The following DIAPH3 variants were observed in gnomAD, a reference collection of about 807,000 sequenced individuals.
The protein encoded by DIAPH3 is diaphanous related formin 3.
DIAPH3 carries 117 observed loss-of-function variants against 144.3 expected under a neutral mutation model. The observed-to-expected ratio is 0.81, with a 90% confidence interval of 0.70 to 0.95. The LOEUF (loss-of-function observed/expected upper bound fraction) is 0.95, where lower values mean the gene tolerates loss of function less well. Ranked by LOEUF, DIAPH3 falls within the 40% of genes least tolerant of loss-of-function variation. The probability of loss-of-function intolerance (pLI) is 0.00; values close to 1 mark genes in which losing one functional copy is unlikely to be tolerated. For synonymous variants in DIAPH3, 519 were observed against 488.9 expected, an observed-to-expected ratio of 1.06 and a Z score of -0.81; for missense variants, 1,421 against 1,412.7, an observed-to-expected ratio of 1.01 and a Z score of -0.09.
At chr13:59,748,879 A>G (rs1298291820) in intron 27 of DIAPH3, among the ~76,000 whole-genome samples, 2 of 152,142 alleles carry the variant, frequency 1.3e-5, no homozygotes, top group Non-Finnish European at 2.9e-5. Context: ...TATTTCTGAC[A>G]TTTTAGAGCT....
chr13:60,150,756 G>A (rs1369340810), intron 1 of DIAPH3, among the ~76,000 whole-genome samples: 2 of 152,176 alleles, frequency 1.3e-5, no homozygotes, highest in Non-Finnish European at 2.9e-5. Context: ...GGTTGCTCCA[G>A]GCTTGGAGAT....
At chr13:59,852,235 G>C (rs1442515395) in intron 22 of DIAPH3, among the ~76,000 whole-genome samples, 1 of 152,156 alleles carries the variant, frequency 6.6e-6, no homozygotes. Context: ...CTTCTGAGGG[G>C]AGAAAGGACG....
chr13:60,122,964 G>C (rs1346197340), intron 2 of DIAPH3, among the ~76,000 whole-genome samples: 1 of 151,808 alleles, frequency 6.6e-6, no homozygotes, highest in East Asian at 1.9e-4. Context: ...ATATAAATTA[G>C]CCCTGTATAT....
intron 5 of DIAPH3, among the ~76,000 whole-genome samples, chr13:60,032,010 T>C (rs1566685036): frequency 6.6e-6 from 1 of 151,992 alleles, no homozygotes; most frequent in Non-Finnish European, 1.5e-5. Context: ...CAGGCGTGAG[T>C]CACCGCACCT....
At chr13:59,805,293 C>T (rs341531) in intron 25 of DIAPH3, among the ~76,000 whole-genome samples, 112,550 of 151,796 alleles carry the variant, frequency 0.74, 42,050 homozygotes, top group East Asian at 0.88. Flanking sequence ...AGTCTTAAAG[C>T]ATAATATTGA....
At chr13:59,858,975 A>G (rs185409080) in intron 22 of DIAPH3, among the ~76,000 whole-genome samples, 384 of 152,270 alleles carry the variant, frequency 2.5e-3, no homozygotes, top group Non-Finnish European at 3.5e-3. Flanking sequence ...AAACAAAGGT[A>G]CTTTTTAATT....
intron 1 of DIAPH3, among the ~76,000 whole-genome samples, chr13:60,156,918 C>CATATATATATATATATATATAT (rs1233542016): frequency 7.2e-5 from 4 of 55,680 alleles, no homozygotes; most frequent in East Asian, 3.0e-4. Context: ...CCAGATCCTT[C>CATATATATATATATATATATAT]ATATATATAT....
At chr13:59,964,845 A>T (rs1370209753) in intron 17 of DIAPH3, among the ~76,000 whole-genome samples, 1 of 152,218 alleles carries the variant, frequency 6.6e-6, no homozygotes, top group South Asian at 2.1e-4. Context: ...TTCTCTACTG[A>T]CTTTCTCCCC....
chr13:59,965,912 A>G (rs888330746), intron 17 of DIAPH3, among the ~76,000 whole-genome samples: 9 of 152,164 alleles, frequency 5.9e-5, no homozygotes, highest in East Asian at 1.9e-4. Flanking sequence ...GTGGTAGCCA[A>G]TAAGAAAAAG....
At chr13:60,088,540 T>C (rs1011497376) in intron 4 of DIAPH3, among the ~76,000 whole-genome samples, 9 of 152,144 alleles carry the variant, frequency 5.9e-5, no homozygotes, top group Non-Finnish European at 1.2e-4. Flanking sequence ...TGCCGCAGAT[T>C]ACCCGGACAA....
At chr13:60,006,497 C>A (rs943337469) in intron 9 of DIAPH3, among the ~76,000 whole-genome samples, 1 of 152,112 alleles carries the variant, frequency 6.6e-6, no homozygotes, top group Non-Finnish European at 1.5e-5. Flanking sequence ...ACAAAGTTTT[C>A]TTTAGGGCTA....
At chr13:60,076,690 T>C (rs2057394119) in intron 4 of DIAPH3, among the ~76,000 whole-genome samples, 1 of 151,930 alleles carries the variant, frequency 6.6e-6, no homozygotes, top group Non-Finnish European at 1.5e-5. Context: ...CAACAATGAA[T>C]CACTTCTGAA....
At chr13:60,001,515 A>T (rs764208976) in intron 9 of DIAPH3, among the ~76,000 whole-genome samples, 46 of 152,232 alleles carry the variant, frequency 3.0e-4, no homozygotes, top group Non-Finnish European at 2.8e-4. Context: ...TGTAAAATTT[A>T]TCAGCCACCT....
At position 59,916,229 on chromosome 13, in the gene DIAPH3, G is replaced by T; in HGVS notation, c.2191C>A (p.Arg731=). 3 of 1,613,042 alleles carry T rather than the reference G, an allele frequency of 1.9e-6. No homozygotes were observed. The South Asian group carries it at 3.3e-5, about 18-fold the overall frequency. The change falls in exon 19 of 28, where the codon CGG becomes AGG. Residue 731 remains arginine (R), a synonymous_variant. Transcript: ENST00000400324. ...ATTCTGATTTCCTCATATGGCACCC[G>T]AAAAGAGCTCAGGAAGATTGCTAAG... is the stretch of plus-strand genomic sequence containing the variant. The part of the protein sequence containing the change: ...QNLSIFLSSF[R]VPYEEIRMMI...
At chr13:59,742,953 A>G (rs1055891017) in intron 27 of DIAPH3, among the ~76,000 whole-genome samples, 1 of 152,240 alleles carries the variant, frequency 6.6e-6, no homozygotes, top group Non-Finnish European at 1.5e-5. Context: ...AAGAGGCAAC[A>G]TTCCTAGAAG....
At chr13:59,982,413 C>T (rs1403736349) in intron 13 of DIAPH3, among the ~76,000 whole-genome samples, 3 of 151,000 alleles carry the variant, frequency 2.0e-5, no homozygotes, top group African/African-American at 7.3e-5. Flanking sequence ...GCTTCCTCTT[C>T]CCACTCCCCC....
chr13:59,963,397 A>G (rs2140511183), intron 17 of DIAPH3, among the ~76,000 whole-genome samples: 2 of 152,336 alleles, frequency 1.3e-5, no homozygotes, highest in East Asian at 3.9e-4. Flanking sequence ...TATACTGTTT[A>G]ACATCAAAAT....
At chr13:59,950,360 C>G (rs2049036305) in intron 17 of DIAPH3, among the ~76,000 whole-genome samples, 1 of 152,058 alleles carries the variant, frequency 6.6e-6, no homozygotes, top group Non-Finnish European at 1.5e-5. Context: ...GTTTCAGTGC[C>G]TTTGTTCACA....
intron 20 of DIAPH3, among the ~76,000 whole-genome samples, chr13:59,880,006 G>A (rs763653651): frequency 3.3e-5 from 5 of 152,254 alleles, no homozygotes; most frequent in African/African-American, 4.8e-5. Flanking sequence ...CAGAAACACA[G>A]GAAAGTAGAA....
Sources: gnomAD v4.1 joint callset for allele counts (sites outside exome capture counted in the v4.1 genomes callset) on GRCh38, gnomAD v4.1.1 for gene constraint, MANE v1.5 for transcripts, NCBI Gene and HGNC (gene_info 2026-07-23, HGNC 2026-07-21) for gene names.